Variants in PSD3 observed in about 807,000 individuals in gnomAD.
PSD3 encodes PH and SEC7 domain-containing protein 3.
PSD3 carries 49 observed loss-of-function variants against 105.5 expected under a neutral mutation model. That is an observed-to-expected ratio of 0.46 (90% CI 0.37 to 0.59). The LOEUF (loss-of-function observed/expected upper bound fraction) is 0.59. PSD3 is among the 20% of genes least tolerant of loss of function. PSD3 has a pLI of 0.00. For missense variants in PSD3, 1,561 were observed against 1,263.8 expected, an observed-to-expected ratio of 1.24 and a Z score of -3.57; for synonymous variants, 557 against 457.8, an observed-to-expected ratio of 1.22 and a Z score of -2.77.
At chr8:19,047,771 G>A (rs1385251812) in intron 1 of PSD3, among the ~76,000 whole-genome samples, 1 of 152,082 alleles carries the variant, frequency 6.6e-6, no homozygotes, top group Non-Finnish European at 1.5e-5. Context: ...GAATGGGTGT[G>A]CATTAGAACA....
chr8:18,633,650 C>T (rs1807054410), intron 10 of PSD3, among the ~76,000 whole-genome samples: 1 of 152,076 alleles, frequency 6.6e-6, no homozygotes, highest in Non-Finnish European at 1.5e-5. Flanking sequence ...TTTTCTCTAT[C>T]CAGTTCACCA....
intron 2 of PSD3, among the ~76,000 whole-genome samples, chr8:18,882,900 T>C (rs1818209571): frequency 6.6e-6 from 1 of 151,914 alleles, no homozygotes; most frequent in Non-Finnish European, 1.5e-5. Flanking sequence ...TATATCTGTA[T>C]AGTGGAGTAT....
intron 9 of PSD3, among the ~76,000 whole-genome samples, chr8:18,694,811 C>G (rs1418254375): frequency 9.2e-6 from 1 of 108,186 alleles, no homozygotes; most frequent in African/African-American, 3.1e-5. Context: ...TAGTGAAACC[C>G]TATCTCCACT....
intron 1 of PSD3, among the ~76,000 whole-genome samples, chr8:18,960,435 C>G (rs955362000): frequency 2.0e-5 from 3 of 152,052 alleles, no homozygotes; most frequent in African/African-American, 2.4e-5. Context: ...GAAAAGGGTC[C>G]TCAATATCAG....
chr8:18,790,588 C>G (rs867143332), intron 8 of PSD3, among the ~76,000 whole-genome samples: 2 of 152,102 alleles, frequency 1.3e-5, no homozygotes, highest in African/African-American at 4.8e-5. Context: ...AGGCGTGAGC[C>G]ACTACGCCTG....
intron 4 of PSD3, among the ~76,000 whole-genome samples, chr8:18,819,633 C>T (rs1206609374): frequency 1.0e-4 from 13 of 124,814 alleles, no homozygotes; most frequent in Admixed American, 1.0e-3. Flanking sequence ...GGCTGGAGTG[C>T]AGTGGCGCAA....
intron 12 of PSD3, among the ~76,000 whole-genome samples, chr8:18,584,673 A>G (rs1803039731): frequency 6.6e-6 from 1 of 152,228 alleles, no homozygotes; most frequent in Non-Finnish European, 1.5e-5. Flanking sequence ...TTTGTGATGT[A>G]TAATGCTCTG....
At chr8:19,023,098 A>G (rs1008472241) in intron 1 of PSD3, among the ~76,000 whole-genome samples, 48 of 152,282 alleles carry the variant, frequency 3.2e-4, no homozygotes, top group Admixed American at 7.2e-4. Flanking sequence ...CTTATATTTG[A>G]AGGTAATAAT....
chr8:18,556,423 A>C, intron 14 of PSD3, 71 bp from the exon 15 acceptor site: 3 of 1,485,284 alleles, frequency 2.0e-6, no homozygotes, highest in Non-Finnish European at 2.7e-6. Flanking sequence ...AGCATACTTT[A>C]AAAAATCCCC....
At chr8:18,983,352 T>G (rs1038192825) in intron 1 of PSD3, among the ~76,000 whole-genome samples, 2 of 152,232 alleles carry the variant, frequency 1.3e-5, no homozygotes, top group Non-Finnish European at 2.9e-5. Flanking sequence ...CTTTCACATA[T>G]TCACTGAAGA....
intron 1 of PSD3, among the ~76,000 whole-genome samples, chr8:18,962,428 T>C (rs1181907270): frequency 1.3e-5 from 2 of 152,162 alleles, no homozygotes; most frequent in Non-Finnish European, 2.9e-5. Flanking sequence ...TGGCTTTCAT[T>C]AAAGTTGGGA....
intron 4 of PSD3, among the ~76,000 whole-genome samples, chr8:18,851,280 C>CG (rs1420455071): frequency 6.6e-6 from 1 of 152,174 alleles, no homozygotes; most frequent in Non-Finnish European, 1.5e-5. Context: ...ACAACAAGGC[C>CG]GGAAGTTGAG....
chr8:18,821,872 C>CACACACACACACACACACA (rs10625767), intron 4 of PSD3, among the ~76,000 whole-genome samples: 1 of 137,412 alleles, frequency 7.3e-6, no homozygotes, highest in Non-Finnish European at 1.5e-5. Context: ...TGCACACACA[C>CACACACACACACACACACA]CACACACACA....
intron 4 of PSD3, among the ~76,000 whole-genome samples, chr8:18,806,598 TAATA>T (rs1811222277): frequency 6.6e-6 from 1 of 152,204 alleles, no homozygotes; most frequent in African/African-American, 2.4e-5. Flanking sequence ...ATGGATGAAA[TAATA>T]AATATCGTAG....
chr8:19,024,314 T>C (rs148780856), intron 1 of PSD3, among the ~76,000 whole-genome samples: 226 of 152,274 alleles, frequency 1.5e-3, no homozygotes, highest in African/African-American at 5.3e-3. Flanking sequence ...ATTGTAAAAG[T>C]ACCCTGGAAT....
chr8:18,762,101 G>A (rs1016243976), intron 9 of PSD3, among the ~76,000 whole-genome samples: 2 of 152,186 alleles, frequency 1.3e-5, no homozygotes, highest in African/African-American at 4.8e-5. Flanking sequence ...CAAAACTCAT[G>A]TTGAATAATA....
intron 1 of PSD3, among the ~76,000 whole-genome samples, chr8:19,068,024 G>A (rs1370508239): frequency 6.6e-6 from 1 of 152,106 alleles, no homozygotes; most frequent in African/African-American, 2.4e-5. Flanking sequence ...TTTTCCACAA[G>A]CCTGAAAGTT....
chr8:18,713,406 C>G (rs370176157), intron 9 of PSD3, among the ~76,000 whole-genome samples: 14 of 152,288 alleles, frequency 9.2e-5, no homozygotes, highest in African/African-American at 3.4e-4. Context: ...TGAAAAGCTT[C>G]TTTACCTGAT....
At chr8:18,891,343 A>C (rs1818768615) in intron 2 of PSD3, among the ~76,000 whole-genome samples, 1 of 152,130 alleles carries the variant, frequency 6.6e-6, no homozygotes, top group Admixed American at 6.6e-5. Context: ...ACAATAAATA[A>C]ATGCGTTTTC....
Sources: gnomAD v4.1 joint callset for allele counts (sites outside exome capture counted in the v4.1 genomes callset) on GRCh38, gnomAD v4.1.1 for gene constraint, MANE v1.5 for transcripts, NCBI Gene and HGNC (gene_info 2026-07-23, HGNC 2026-07-21) for gene names.